The following HEMGN variants were observed in gnomAD, a reference collection of about 807,000 sequenced individuals.
The protein encoded by HEMGN is erythroid differentiation-associated gene protein.
Under a neutral mutation model 45.7 loss-of-function variants are expected in HEMGN, and 32 were observed. That is an observed-to-expected ratio of 0.70 (90% CI 0.53 to 0.94). HEMGN has a LOEUF of 0.94. Among genes scored for constraint, HEMGN ranks in the 40% least tolerant of loss-of-function variants. The probability of loss-of-function intolerance (pLI) is 0.00; values close to 1 mark genes in which losing one functional copy is unlikely to be tolerated. For synonymous variants in HEMGN, 183 were observed against 178.6 expected, an observed-to-expected ratio of 1.02 and a Z score of -0.20; for missense variants, 530 against 564.2, an observed-to-expected ratio of 0.94 and a Z score of 0.61.
At chr9:97,937,107 T>C (rs1294955565) in intron 1 of HEMGN, among the ~76,000 whole-genome samples, 2 of 152,174 alleles carry the variant, frequency 1.3e-5, no homozygotes, top group Non-Finnish European at 2.9e-5. Flanking sequence ...GGGTTCTTAA[T>C]AGGAAAAATT....
Position 97,930,881 on chromosome 9 carries a change from G to C in HEMGN, c.514C>G (p.Leu172Val). Residue 172 changes from leucine to valine, a missense_variant, in exon 3 of 4, where the codon CTC becomes GTC. Leu to Val is a conservative substitution (Grantham distance 32, BLOSUM62 1). Transcript: ENST00000616898. ...TCQHVSEPED[L>V]SPKMYQEISV... ...ATTTCTTGGTACATTTTAGGAGAGA[G>C]GTCTTCAGGTTCAGACACATGTTGG... 6.2e-7 allele frequency: 1 copy of C among 1,613,984 alleles called. No individual in the cohort carries two copies. Among genetic ancestry groups the C allele is most frequent in the South Asian group, 1.1e-5 (1 of 91,074 alleles).
Position 97,930,955 on chromosome 9 carries a change from A to G in HEMGN, c.440T>C (p.Phe147Ser). ...TACTGCTATTTCTTGGTACTCAGAAAAATTCTCCTGATATATGTTACTTTC... is the reference window on the plus strand; with the variant it reads ...TACTGCTATTTCTTGGTACTCAGAAGAATTCTCCTGATATATGTTACTTTC... ...CQESNIYQEN[F>S]SEYQEIAVQN... Residue 147 changes from phenylalanine to serine, a missense_variant, in exon 3 of 4, where the codon TTT becomes TCT. Coordinates refer to ENST00000616898, the MANE Select transcript of HEMGN (RefSeq NM_197978.3). 1 of 1,614,188 alleles carries G rather than the reference A, an allele frequency of 6.2e-7. No homozygotes were observed. Among genetic ancestry groups the G allele is most frequent in the African/African-American group, 1.3e-5 (1 of 75,046 alleles).
chr9:97,938,730 C>T (rs1422118788), upstream of HEMGN, among the ~76,000 whole-genome samples: 1 of 152,058 alleles, frequency 6.6e-6, no homozygotes, highest in Non-Finnish European at 1.5e-5. Context: ...GCTTTTTTCA[C>T]CTTAATCTGT....
At chr9:97,931,516 ATATTCT>A (rs1826954083) in intron 2 of HEMGN, among the ~76,000 whole-genome samples, 1 of 152,198 alleles carries the variant, frequency 6.6e-6, no homozygotes, top group African/African-American at 2.4e-5. Flanking sequence ...GTGTTATAGC[ATATTCT>A]TAAAGTTTTG....
At chr9:97,937,378 C>T (rs1001059725) in intron 1 of HEMGN, among the ~76,000 whole-genome samples, 1 of 152,080 alleles carries the variant, frequency 6.6e-6, no homozygotes, top group Non-Finnish European at 1.5e-5. Context: ...CCCTCCCCCT[C>T]AGCATATGAC....
intron 1 of HEMGN, among the ~76,000 whole-genome samples, chr9:97,936,729 T>C (rs897401477): frequency 6.6e-6 from 1 of 152,236 alleles, no homozygotes; most frequent in Non-Finnish European, 1.5e-5. Context: ...GTCTTCATAA[T>C]GATAATTTTA....
In HEMGN at chr9:97,932,803, C is replaced by CAAA. The variant is rs5899328; in HGVS notation, c.174-1585_174-1583dup. Among the ~76,000 whole-genome samples the CAAA allele has an allele frequency of 1.0e-3, 89 of 87,278 alleles. 5 individuals carry two copies. Among genetic ancestry groups the CAAA allele is most frequent in the Admixed American group, 1.4e-3 (11 of 8,096 alleles). 57.3% of individuals were successfully genotyped at this position (87,278 alleles called of 152,430 possible). ...TGGGTGACAGAATGAGACTCTGTCT[C>CAAA]AAAAAAAAAAAAAAAAAGGAAATCT... is the stretch of plus-strand genomic sequence containing the variant. On this transcript the variant is annotated intron_variant, in intron 2 of 3. Coordinates refer to ENST00000616898, the MANE Select transcript of HEMGN (RefSeq NM_197978.3).
At chr9:97,940,201 C>T (rs930344443), upstream of HEMGN, among the ~76,000 whole-genome samples, 1 of 152,108 alleles carries the variant, frequency 6.6e-6, no homozygotes, top group African/African-American at 2.4e-5. Flanking sequence ...TACTTAATGC[C>T]CCCTCTTGTG....
upstream of HEMGN, among the ~76,000 whole-genome samples, chr9:97,938,666 A>G (rs1276164053): frequency 6.6e-6 from 1 of 152,226 alleles, no homozygotes; most frequent in Non-Finnish European, 1.5e-5. Flanking sequence ...TAATAGATAT[A>G]AAAGTTTCTA....
In HEMGN at chr9:97,930,453, T is replaced by G; in HGVS notation, c.942A>C (p.Thr314=). The G allele has an allele frequency of 6.2e-7, 1 of 1,614,178 alleles. No individual in the cohort carries two copies. Among genetic ancestry groups the G allele is most frequent in the East Asian group, 2.2e-5 (1 of 44,884 alleles). The change falls in exon 3 of 4, where the codon ACA becomes ACC. Residue 314 remains threonine, a synonymous_variant. Coordinates refer to ENST00000616898, the MANE Select transcript of HEMGN (RefSeq NM_197978.3). ...ATTTAGGTTCAGCTGATTCTTGGTG[T>G]GTTTTTGTAGAAAGGTCTTTAGGCT... ...IAEPKDLSTK[T]HQESAEPKYL... is the part of the protein sequence containing the mutation.
chr9:97,928,663 G>A (rs1193036638), intron 3 of HEMGN, among the ~76,000 whole-genome samples: 1 of 152,134 alleles, frequency 6.6e-6, no homozygotes, highest in African/African-American at 2.4e-5. Context: ...TATGGTGTCT[G>A]GCACATAGAA....
upstream of HEMGN, among the ~76,000 whole-genome samples, chr9:97,941,213 G>A (rs1281698167): frequency 1.3e-5 from 2 of 152,268 alleles, no homozygotes; most frequent in South Asian, 4.1e-4. Flanking sequence ...AGGGTGACAG[G>A]TGAACAGAAC....
At chr9:97,943,302 T>C (rs1827178261) in intron 1 of HEMGN, among the ~76,000 whole-genome samples, 1 of 152,184 alleles carries the variant, frequency 6.6e-6, no homozygotes, top group Non-Finnish European at 1.5e-5. Flanking sequence ...GGGAACACAA[T>C]GGACACTTGT....
intron 2 of HEMGN, among the ~76,000 whole-genome samples, chr9:97,933,656 CA>C (rs1826999499): frequency 6.6e-6 from 1 of 152,084 alleles, no homozygotes; most frequent in Admixed American, 6.5e-5. Flanking sequence ...ATAATATTTC[CA>C]AGGGCTCTGG....
chr9:97,933,251 A>G (rs1275731897), intron 2 of HEMGN, among the ~76,000 whole-genome samples: 2 of 152,236 alleles, frequency 1.3e-5, no homozygotes, highest in East Asian at 3.8e-4. Flanking sequence ...GAATTATTCA[A>G]ATATAAATTA....
At position 97,931,207 on chromosome 9, in the gene HEMGN, C is replaced by T. The variant is rs771154310; in HGVS notation, c.188G>A (p.Arg63His). The T allele has an allele frequency of 2.5e-6, 4 of 1,602,000 alleles. No homozygotes were observed. Among genetic ancestry groups the T allele is most frequent in the East Asian group, 2.2e-5 (1 of 44,844 alleles). The change falls in exon 3 of 4, where the codon CGC becomes CAC. Residue 63 changes from arginine to histidine, a missense_variant. Physicochemically the swap from Arg to His is conservative, Grantham distance 29. Coordinates refer to ENST00000616898, the MANE Select transcript of HEMGN (RefSeq NM_197978.3). ...TCCTTTTCCTGTTCTCTGCTGCTTG[C>T]GTTTTTTCTGTTCTCTGCAGAAAGA... ...SQWLFGEQKK[R>H]KQQRTGKGNR...
Position 97,930,658 on chromosome 9 carries a change from G to A in HEMGN, c.737C>T (p.Thr246Ile), listed in dbSNP as rs150614678. 124 of 1,614,076 alleles carry A rather than the reference G, an allele frequency of 7.7e-5. No individual in the cohort carries two copies. Among genetic ancestry groups the A allele is most frequent in the Non-Finnish European group, 1.0e-4 (123 of 1,180,030 alleles). Reference sequence around the variant, plus strand: ...TGCCAGATCAGCTGTGTCTTCAGATGTTGGACAAGGAAGGATTTTGGGTAC... The same window carrying A: ...TGCCAGATCAGCTGTGTCTTCAGATATTGGACAAGGAAGGATTTTGGGTAC... ...AAVPKILPCP[T>I]SEDTADLAGC... Residue 246 changes from threonine to isoleucine, a missense_variant, in exon 3 of 4, where the codon ACA becomes ATA. Thr to Ile is a moderately conservative substitution (Grantham distance 89). Coordinates refer to ENST00000616898, the MANE Select transcript of HEMGN (RefSeq NM_197978.3).
At chr9:97,932,087 T>C (rs1826963925) in intron 2 of HEMGN, among the ~76,000 whole-genome samples, 2 of 152,322 alleles carry the variant, frequency 1.3e-5, no homozygotes, top group South Asian at 4.2e-4. Flanking sequence ...TGGAGCCTTC[T>C]CTAAGAGACT....
upstream of HEMGN, among the ~76,000 whole-genome samples, chr9:97,938,544 A>G (rs904932203): frequency 6.6e-6 from 1 of 152,220 alleles, no homozygotes; most frequent in Admixed American, 6.5e-5. Context: ...GGCCCCAACC[A>G]GCTCAGTGGC....
Sources: gnomAD v4.1 joint callset for allele counts (sites outside exome capture counted in the v4.1 genomes callset) on GRCh38, gnomAD v4.1.1 for gene constraint, MANE v1.5 for transcripts, NCBI Gene and HGNC (gene_info 2026-07-23, HGNC 2026-07-21) for gene names.